Variants in ASTN2 observed in about 807,000 individuals in gnomAD.
The protein encoded by ASTN2 is astrotactin-2.
ASTN2 carries 54 observed loss-of-function variants against 139.8 expected under a neutral mutation model. That is an observed-to-expected ratio of 0.39 (90% confidence interval 0.31 to 0.48). The LOEUF is 0.48. Among genes scored for constraint, ASTN2 ranks in the 20% least tolerant of loss-of-function variants. ASTN2 has a pLI of 0.95. For missense variants in ASTN2, 1,565 were observed against 1,725.1 expected (o/e 0.91, Z 1.64); for synonymous variants, 756 against 719.5 (o/e 1.05, Z -0.81).
intron 19 of ASTN2, among the ~76,000 whole-genome samples, chr9:116,563,999 T>A (rs1277633778): frequency 6.6e-6 from 1 of 152,230 alleles, no homozygotes; most frequent in Non-Finnish European, 1.5e-5. Context: ...CAAGCATTTA[T>A]ATACCATAAA....
chr9:116,453,376 G>A (rs1186543722), intron 20 of ASTN2, among the ~76,000 whole-genome samples: 3 of 151,956 alleles, frequency 2.0e-5, no homozygotes, highest in East Asian at 1.9e-4. Context: ...GGTGGATCAC[G>A]AGGTCAGGAG....
At chr9:117,134,078 C>T (rs1829885575) in intron 4 of ASTN2, among the ~76,000 whole-genome samples, 1 of 151,716 alleles carries the variant, frequency 6.6e-6, no homozygotes, top group Non-Finnish European at 1.5e-5. Flanking sequence ...GAAGGGAAGG[C>T]TGCTAAGAAG....
intron 16 of ASTN2, among the ~76,000 whole-genome samples, chr9:116,660,556 T>A (rs1858501594): frequency 6.6e-6 from 1 of 152,192 alleles, no homozygotes; most frequent in South Asian, 2.1e-4. Flanking sequence ...TATCCAATGC[T>A]AGCGTGTCAA....
chr9:117,043,338 GA>G (rs1838635518), intron 5 of ASTN2, among the ~76,000 whole-genome samples: 1 of 152,178 alleles, frequency 6.6e-6, no homozygotes, highest in Non-Finnish European at 1.5e-5. Flanking sequence ...TCTGGACAGT[GA>G]GTCATGGATA....
chr9:117,331,514 A>G (rs1172313443), intron 1 of ASTN2, among the ~76,000 whole-genome samples: 1 of 152,202 alleles, frequency 6.6e-6, no homozygotes, highest in Non-Finnish European at 1.5e-5. Context: ...ACCCTCCTGA[A>G]GGAAGGGCTA....
intron 5 of ASTN2, among the ~76,000 whole-genome samples, chr9:117,061,461 T>C (rs1244266968): frequency 6.6e-6 from 1 of 152,126 alleles, no homozygotes; most frequent in Non-Finnish European, 1.5e-5. Context: ...TGATGTGTAG[T>C]TCAGTTTTAT....
rs753326307 is a variant in ASTN2, at chr9:116,896,951, A to G, written c.1890-33218T>C. 6.5e-4 allele frequency among the ~76,000 whole-genome samples: 99 copies of G among 152,280 alleles called. 1 individual carries two copies. Among genetic ancestry groups the G allele is most frequent in the Non-Finnish European group, 1.0e-3 (70 of 68,002 alleles). ...TCAGTGTGTTAATGAGGGGGCTACC[A>G]GGTGGGCAACAAGAACTCGATCTCG... On this transcript the variant is annotated intron_variant, in intron 10 of 22. Coordinates refer to ENST00000313400, the MANE Select transcript of ASTN2 (RefSeq NM_001365068.1).
At chr9:116,507,845 G>A (rs548452088) in intron 19 of ASTN2, among the ~76,000 whole-genome samples, 10 of 152,160 alleles carry the variant, frequency 6.6e-5, no homozygotes, top group South Asian at 6.2e-4. Context: ...ATTAGCTTAC[G>A]TACTTGGGCA....
chr9:116,585,912 A>T (rs1053955996), intron 19 of ASTN2: 3 of 152,218 alleles, frequency 2.0e-5, no homozygotes, highest in Non-Finnish European at 4.4e-5. Context: ...TGCATCCAAC[A>T]GAAGTCTAAT....
At chr9:116,830,852 C>T (rs1242316621) in intron 11 of ASTN2, among the ~76,000 whole-genome samples, 1 of 149,926 alleles carries the variant, frequency 6.7e-6, no homozygotes. Flanking sequence ...ATGTTTACTG[C>T]AACAATAATA....
chr9:117,366,547 T>TC (rs1829848410), intron 1 of ASTN2, among the ~76,000 whole-genome samples: 3 of 151,930 alleles, frequency 2.0e-5, no homozygotes, highest in Non-Finnish European at 2.9e-5. Flanking sequence ...TCATAAGAAA[T>TC]CCCCCCTCTC....
chr9:116,453,559 A>G (rs540907013), intron 20 of ASTN2, among the ~76,000 whole-genome samples: 423 of 126,158 alleles, frequency 3.4e-3, no homozygotes, highest in African/African-American at 0.011. Flanking sequence ...ATGCCATTGC[A>G]CTCCAGCCTG....
At chr9:117,148,713 G>A (rs1830258259) in intron 3 of ASTN2, among the ~76,000 whole-genome samples, 1 of 152,160 alleles carries the variant, frequency 6.6e-6, no homozygotes, top group Non-Finnish European at 1.5e-5. Context: ...CATTATTCTA[G>A]ACATATCTGT....
At chr9:116,472,909 A>G (rs1245295492) in intron 20 of ASTN2, among the ~76,000 whole-genome samples, 1 of 144,198 alleles carries the variant, frequency 6.9e-6, no homozygotes, top group Admixed American at 7.3e-5. Context: ...CCTGGGCAAC[A>G]GAGCGAGACT....
chr9:116,732,913 C>A (rs894083768), intron 14 of ASTN2, among the ~76,000 whole-genome samples: 5 of 152,122 alleles, frequency 3.3e-5, no homozygotes, highest in Non-Finnish European at 5.9e-5. Context: ...AAAAATAATA[C>A]CCACCCCACA....
At chr9:116,992,595 C>T (rs894989096) in intron 7 of ASTN2, among the ~76,000 whole-genome samples, 1 of 152,168 alleles carries the variant, frequency 6.6e-6, no homozygotes, top group African/African-American at 2.4e-5. Context: ...TCTATTCACC[C>T]TCTCACTTGT....
intron 13 of ASTN2, among the ~76,000 whole-genome samples, chr9:116,762,219 T>G (rs1359066845): frequency 2.6e-5 from 4 of 152,232 alleles, no homozygotes; most frequent in Admixed American, 2.6e-4. Context: ...ATAGCTGATA[T>G]TCAGAAATGA....
chr9:117,284,356 C>T (rs977463800), intron 2 of ASTN2, among the ~76,000 whole-genome samples: 5 of 152,324 alleles, frequency 3.3e-5, no homozygotes, highest in South Asian at 2.1e-4. Context: ...ACACCCATCT[C>T]GGCCTTTCAA....
At chr9:117,179,988 G>T (rs1342469581) in intron 3 of ASTN2, among the ~76,000 whole-genome samples, 1 of 152,170 alleles carries the variant, frequency 6.6e-6, no homozygotes, top group Non-Finnish European at 1.5e-5. Context: ...CCATCTAAGG[G>T]CATCCAATTC....
Sources: allele counts gnomAD v4.1 joint callset (sites outside exome capture counted in the v4.1 genomes callset), GRCh38; gene constraint gnomAD v4.1.1; transcripts MANE v1.5; gene names NCBI Gene and HGNC (gene_info 2026-07-23, HGNC 2026-07-21).